VAT1L: variants seen among roughly 807,000 people sequenced by gnomAD.
The protein encoded by VAT1L is vesicle amine transport 1 like.
In VAT1L, 34 loss-of-function variants were observed where a neutral mutation model predicts 44.1. The ratio of observed to expected loss-of-function variants is 0.77; its 90% CI spans 0.59 to 1.03. The LOEUF is 1.03. Among genes scored for constraint, VAT1L ranks in the 50% least tolerant of loss-of-function variants. The pLI is 0.00. For synonymous variants in VAT1L, 253 were observed against 202.2 expected (o/e 1.25, Z -2.13); for missense variants, 615 against 538.8 (o/e 1.14, Z -1.40).
At chr16:77,885,097 T>C (rs2017196439) in intron 7 of VAT1L, among the ~76,000 whole-genome samples, 1 of 152,214 alleles carries the variant, frequency 6.6e-6, no homozygotes, top group Non-Finnish European at 1.5e-5. Context: ...TACAAGAGCA[T>C]GTGTACATTG....
chr16:77,964,171 G>A (rs1006897444), intron 7 of VAT1L, among the ~76,000 whole-genome samples: 3 of 152,118 alleles, frequency 2.0e-5, no homozygotes, highest in East Asian at 1.9e-4. Context: ...TCTTTCTGTG[G>A]CTCACTCCTT....
intron 7 of VAT1L, among the ~76,000 whole-genome samples, chr16:77,970,006 C>T (rs368682473): frequency 8.2e-6 from 1 of 121,892 alleles, no homozygotes; most frequent in East Asian, 2.5e-4. Flanking sequence ...TTGAGGCCAA[C>T]AGTTCATGAG....
chr16:77,954,445 TG>T (rs1236269149), intron 7 of VAT1L, among the ~76,000 whole-genome samples: 1 of 152,054 alleles, frequency 6.6e-6, no homozygotes, highest in Non-Finnish European at 1.5e-5. Context: ...ACCAACATGG[TG>T]AAACCCGGTC....
chr16:77,962,774 A>AGGAAGGAAGGAG (rs2018177284), intron 7 of VAT1L, among the ~76,000 whole-genome samples: 3 of 151,620 alleles, frequency 2.0e-5, no homozygotes, highest in African/African-American at 7.3e-5. Context: ...GAAGGAAGGA[A>AGGAAGGAAGGAG]GGAAAGAAAG....
At chr16:77,951,560 AAAT>A (rs35286351) in intron 7 of VAT1L, among the ~76,000 whole-genome samples, 33,336 of 152,026 alleles carry the variant, frequency 0.22, 4,086 homozygotes, top group South Asian at 0.4. Context: ...ATAAATAAAT[AAAT>A]AGGACTTAAA....
intron 3 of VAT1L, among the ~76,000 whole-genome samples, chr16:77,850,279 C>A (rs1025703022): frequency 6.6e-6 from 1 of 152,176 alleles, no homozygotes; most frequent in Admixed American, 6.5e-5. Flanking sequence ...ATGCACACTT[C>A]TCTGTTGTAC....
intron 1 of VAT1L, among the ~76,000 whole-genome samples, chr16:77,812,410 T>C (rs2016281694): frequency 1.3e-5 from 2 of 152,170 alleles, no homozygotes; most frequent in South Asian, 2.1e-4. Context: ...TAGTAACATT[T>C]GATTTACTTG....
At chr16:77,971,047 C>T (rs1312105364) in intron 7 of VAT1L, among the ~76,000 whole-genome samples, 1 of 151,658 alleles carries the variant, frequency 6.6e-6, no homozygotes, top group Non-Finnish European at 1.5e-5. Flanking sequence ...GTTGCATTTC[C>T]ACGCAGATTT....
rs755131982 is a variant in VAT1L, at chr16:77,977,708, G to A, written c.*13G>A. On this transcript the variant is annotated 3_prime_UTR_variant, in exon 9 of 9. Transcript: ENST00000302536. ...CTTTATCCAGTAACTGAGGACCCAG[G>A]TGGGAGAATGTGAAGGATGGTTTGG... 7 of 1,611,756 alleles carry A rather than the reference G, an allele frequency of 4.3e-6. No individual in the cohort carries two copies. The Admixed American group carries it at 8.4e-5, about 19-fold the overall frequency.
intron 3 of VAT1L, among the ~76,000 whole-genome samples, chr16:77,858,304 G>C (rs2016882027): frequency 6.6e-6 from 1 of 152,184 alleles, no homozygotes; most frequent in African/African-American, 2.4e-5. Flanking sequence ...AGAAGAAAGA[G>C]GAAGGGAGGG....
chr16:77,915,498 T>C (rs1056836808), intron 7 of VAT1L, among the ~76,000 whole-genome samples: 4 of 152,224 alleles, frequency 2.6e-5, no homozygotes, highest in African/African-American at 7.2e-5. Flanking sequence ...TGACATTGTT[T>C]AGTGTAGGGA....
chr16:77,851,012 C>G (rs543948896), intron 3 of VAT1L, among the ~76,000 whole-genome samples: 7 of 152,276 alleles, frequency 4.6e-5, no homozygotes, highest in African/African-American at 1.7e-4. Flanking sequence ...CAGACACAAG[C>G]CTTGCTATGG....
chr16:77,817,284 C>G (rs551491918), intron 2 of VAT1L, among the ~76,000 whole-genome samples: 37 of 152,072 alleles, frequency 2.4e-4, no homozygotes, highest in African/African-American at 8.7e-4. Context: ...ATCTTGTCTC[C>G]CCCTTCATTC....
chr16:77,875,993 G>T (rs2017083368), intron 4 of VAT1L, among the ~76,000 whole-genome samples: 1 of 152,096 alleles, frequency 6.6e-6, no homozygotes, highest in Non-Finnish European at 1.5e-5. Flanking sequence ...CCCTTTTGTT[G>T]CGTCATTTCA....
Position 77,915,057 on chromosome 16 carries a change from G to A in VAT1L, c.1077+30255G>A, listed in dbSNP as rs537297320. 3.9e-5 allele frequency among the ~76,000 whole-genome samples: 6 copies of A among 152,196 alleles called. No individual in the cohort carries two copies. The South Asian group carries it at 6.2e-4, about 16-fold the overall frequency. ...GGAGAATCGCTTGAACCCGGGAGGC[G>A]GAGGTTGCGGTGAGCCGAGATTGTG... is the stretch of plus-strand genomic sequence containing the variant. On this transcript the variant is annotated intron_variant, in intron 7 of 8. Transcript: ENST00000302536.
At chr16:77,860,197 G>A (rs1432657685) in intron 3 of VAT1L, among the ~76,000 whole-genome samples, 1 of 152,182 alleles carries the variant, frequency 6.6e-6, no homozygotes, top group African/African-American at 2.4e-5. Context: ...CCAGAACTGT[G>A]AGAAAAGGAA....
chr16:77,929,824 C>G (rs930602739), intron 7 of VAT1L, among the ~76,000 whole-genome samples: 1 of 152,264 alleles, frequency 6.6e-6, no homozygotes, highest in South Asian at 2.1e-4. Context: ...GAACTGGTAT[C>G]GGAAGTTAGC....
rs1440742011 is a variant in VAT1L, at chr16:77,800,678, GA to G, written c.233+11767del. ...CCCCATTTTCTCCCTGTTCCAGATA[GA>G]AAATCAGGCTCCCTGCCTGCGCTGT... On this transcript the variant is annotated intron_variant, in intron 1 of 8. Transcript: ENST00000302536. The G allele has an allele frequency of 2.0e-5, 3 of 152,244 alleles. No homozygotes were observed. In the East Asian group the frequency reaches 5.8e-4, roughly 29 times the overall value. The allele number at this position is 152,244 out of a possible 1,614,324, so 9.4% of individuals were successfully genotyped here.
chr16:77,953,980 T>G (rs1476744763), intron 7 of VAT1L, among the ~76,000 whole-genome samples: 9 of 152,186 alleles, frequency 5.9e-5, no homozygotes, highest in Non-Finnish European at 1.3e-4. Context: ...AACTGTGGGT[T>G]GCTCTTGTAA....
Sources: gnomAD v4.1 joint callset for allele counts (sites outside exome capture counted in the v4.1 genomes callset) on GRCh38, gnomAD v4.1.1 for gene constraint, MANE v1.5 for transcripts, NCBI Gene and HGNC (gene_info 2026-07-23, HGNC 2026-07-21) for gene names.